MAML3: variants seen among roughly 807,000 people sequenced by gnomAD.
MAML3 encodes the protein mastermind like transcriptional coactivator 3, also known as mastermind-like protein 3.
Under a neutral mutation model 101.9 loss-of-function variants are expected in MAML3, and 27 were observed. The ratio of observed to expected loss-of-function variants is 0.27; its 90% CI spans 0.20 to 0.37. The LOEUF (loss-of-function observed/expected upper bound fraction) is 0.37, where lower values mean the gene tolerates loss of function less well. Among genes scored for constraint, MAML3 ranks in the 10% least tolerant of loss-of-function variants. The pLI is 1.00. For synonymous variants in MAML3, 501 were observed against 555.9 expected (o/e 0.90, Z 1.39); for missense variants, 1,316 against 1,444.9 (o/e 0.91, Z 1.45).
At position 139,887,419 on chromosome 4, in the gene MAML3, C is replaced by G. The variant is rs537710755; in HGVS notation, c.2079+1938G>C. Among the ~76,000 whole-genome samples the G allele has an allele frequency of 5.3e-5, 8 of 152,322 alleles. No homozygotes were observed. In the South Asian group the frequency reaches 1.7e-3, roughly 32 times the overall value. ...GAGACGAGAGAAGAGAGGAGGAGCACACAGATTTAATCCAGAAAAACATCA... is the reference window on the plus strand; with the variant it reads ...GAGACGAGAGAAGAGAGGAGGAGCAGACAGATTTAATCCAGAAAAACATCA... On this transcript the variant is annotated intron_variant, in intron 2 of 4. Coordinates refer to ENST00000509479, the MANE Select transcript of MAML3 (RefSeq NM_018717.5).
chr4:139,958,603 C>T (rs112452236), intron 1 of MAML3, among the ~76,000 whole-genome samples: 3,713 of 152,194 alleles, frequency 0.024, 73 homozygotes, highest in Non-Finnish European at 0.038. Flanking sequence ...CATTAGTGAT[C>T]CTAGAAGAAG....
intron 1 of MAML3, among the ~76,000 whole-genome samples, chr4:139,933,025 C>T (rs17005255): frequency 0.051 from 7,796 of 152,012 alleles, 617 homozygotes; most frequent in African/African-American, 0.17. Flanking sequence ...AACCTAAAAG[C>T]GACACAGCAG....
Position 140,042,478 on chromosome 4 carries a change from C to G in MAML3, c.468+110382G>C, listed in dbSNP as rs1388264676. On this transcript the variant is annotated intron_variant, in intron 1 of 4. Transcript: ENST00000509479. ...TGAAACCCCATCTCTACTAAAAATACAAAAAATTAGCTGGGTGTGGTGGCA... is the reference window on the plus strand; with the variant it reads ...TGAAACCCCATCTCTACTAAAAATAGAAAAAATTAGCTGGGTGTGGTGGCA... 5.3e-5 allele frequency among the ~76,000 whole-genome samples: 8 copies of G among 151,802 alleles called. No individual in the cohort carries two copies. The East Asian group carries it at 1.4e-3, about 26-fold the overall frequency.
chr4:140,039,636 T>C (rs778272388), intron 1 of MAML3, among the ~76,000 whole-genome samples: 1 of 152,144 alleles, frequency 6.6e-6, no homozygotes, highest in Non-Finnish European at 1.5e-5. Context: ...CCACTGCTTG[T>C]CTCATTCCAT....
chr4:139,820,504 C>T (rs1350037), intron 2 of MAML3, among the ~76,000 whole-genome samples: 60,543 of 151,936 alleles, frequency 0.4, 12,286 homozygotes, highest in Admixed American at 0.45. Flanking sequence ...CTTTAGTTTA[C>T]GGGAATGAAG....
chr4:139,918,886 G>A (rs148094897), intron 1 of MAML3, among the ~76,000 whole-genome samples: 2,138 of 152,110 alleles, frequency 0.014, 53 homozygotes, highest in African/African-American at 0.048. Context: ...GCAGAGTACC[G>A]CGCATACCTC....
chr4:139,720,427 G>T, intron 4 of MAML3, 104 bp from the exon 5 acceptor site: 1 of 977,632 alleles, frequency 1.0e-6, no homozygotes. Flanking sequence ...TCCTTTATAT[G>T]AAAGGATCTA....
At position 139,719,456 on chromosome 4, in the gene MAML3, T is replaced by C. The variant is rs1269770621; in HGVS notation, c.3284A>G (p.Asn1095Ser). The C allele has an allele frequency of 6.8e-6, 11 of 1,613,856 alleles. No homozygotes were observed. Among genetic ancestry groups the C allele is most frequent in the Non-Finnish European group, 9.3e-6 (11 of 1,179,886 alleles). ...ERNAPQDVSY[N>S]YSGDGAGGSF... is the part of the protein sequence containing the mutation. Reference sequence around the variant, plus strand: ...ACCCCCAGCTCCGTCGCCACTGTAATTGTATGACACGTCCTGAGGGGCATT... The same window carrying C: ...ACCCCCAGCTCCGTCGCCACTGTAACTGTATGACACGTCCTGAGGGGCATT... The change falls in exon 5 of 5, where the codon AAT (asparagine) becomes AGT (serine). Residue 1095 changes from asparagine (N) to serine (S), a missense_variant. Physicochemically the swap from Asn to Ser is conservative, Grantham distance 46. Coordinates refer to ENST00000509479, the MANE Select transcript of MAML3 (RefSeq NM_018717.5).
At chr4:140,145,862 C>CTTTTTTTTT (rs1263462765) in intron 1 of MAML3, among the ~76,000 whole-genome samples, 1 of 46,396 alleles carries the variant, frequency 2.2e-5, no homozygotes, top group Non-Finnish European at 3.9e-5. Context: ...TGCGCCTGGC[C>CTTTTTTTTT]TTTTTTTTCT....
intron 2 of MAML3, among the ~76,000 whole-genome samples, chr4:139,777,304 C>T (rs1730112055): frequency 6.6e-6 from 1 of 152,190 alleles, no homozygotes; most frequent in Non-Finnish European, 1.5e-5. Flanking sequence ...ACTGTGTTGG[C>T]CAAGTAAACA....
chr4:139,771,079 TCGGAATCTTA>T, intron 2 of MAML3, among the ~76,000 whole-genome samples: 1 of 152,352 alleles, frequency 6.6e-6, no homozygotes, highest in South Asian at 2.1e-4. Flanking sequence ...TCTACAGTAC[TCGGAATCTTA>T]CGTTTTATCC....
intron 2 of MAML3, among the ~76,000 whole-genome samples, chr4:139,816,684 A>C (rs1730898536): frequency 6.6e-6 from 1 of 152,126 alleles, no homozygotes. Flanking sequence ...AGTTCAATTT[A>C]ATAGATCTCG....
chr4:139,979,338 C>T (rs947430536), intron 1 of MAML3, among the ~76,000 whole-genome samples: 1 of 152,160 alleles, frequency 6.6e-6, no homozygotes, highest in East Asian at 1.9e-4. Flanking sequence ...TTTAAACATG[C>T]CTTCTCACAT....
At chr4:139,938,092 A>G (rs1306210413) in intron 1 of MAML3, among the ~76,000 whole-genome samples, 2 of 152,182 alleles carry the variant, frequency 1.3e-5, no homozygotes, top group Non-Finnish European at 2.9e-5. Flanking sequence ...TTACATCCCT[A>G]CTAAGTCTGG....
intron 2 of MAML3, among the ~76,000 whole-genome samples, chr4:139,881,874 C>T (rs932210847): frequency 4.6e-5 from 7 of 152,018 alleles, no homozygotes; most frequent in Non-Finnish European, 8.8e-5. Context: ...CTAAGTTTTG[C>T]ATTTTTAGTA....
intron 1 of MAML3, among the ~76,000 whole-genome samples, chr4:139,938,293 G>A (rs1733543426): frequency 6.6e-6 from 1 of 152,116 alleles, no homozygotes; most frequent in Admixed American, 6.5e-5. Flanking sequence ...TATCCTACAA[G>A]TCGGGGAGAC....
At chr4:140,047,257 G>A (rs572918034) in intron 1 of MAML3, among the ~76,000 whole-genome samples, 59 of 152,298 alleles carry the variant, frequency 3.9e-4, no homozygotes, top group African/African-American at 1.4e-3. Flanking sequence ...TTGGGCAAGT[G>A]CAGATTTGGG....
chr4:139,934,753 T>C (rs1486282360), intron 1 of MAML3, among the ~76,000 whole-genome samples: 2 of 152,210 alleles, frequency 1.3e-5, no homozygotes, highest in African/African-American at 2.4e-5. Context: ...TGTTCTTCCC[T>C]AAATGTCAAA....
At chr4:139,853,580 C>A (rs1391206381) in intron 2 of MAML3, among the ~76,000 whole-genome samples, 1 of 152,086 alleles carries the variant, frequency 6.6e-6, no homozygotes, top group African/African-American at 2.4e-5. Context: ...TCTGATCAAC[C>A]CCAAGCTTTA....
Sources: allele counts gnomAD v4.1 joint callset (sites outside exome capture counted in the v4.1 genomes callset), GRCh38; gene constraint gnomAD v4.1.1; transcripts MANE v1.5; gene names NCBI Gene and HGNC (gene_info 2026-07-23, HGNC 2026-07-21).